Variants in SKAP2 observed in about 807,000 individuals in gnomAD.
The protein encoded by SKAP2 is src kinase associated phosphoprotein 2, also known as src kinase-associated phosphoprotein 2.
Under a neutral mutation model 54.9 loss-of-function variants are expected in SKAP2, and 28 were observed. The ratio of observed to expected loss-of-function variants is 0.51; its 90% confidence interval spans 0.38 to 0.70. The LOEUF (loss-of-function observed/expected upper bound fraction) is 0.70, where lower values mean the gene tolerates loss of function less well. Among genes scored for constraint, SKAP2 ranks in the 30% least tolerant of loss-of-function variants. The pLI, the probability that SKAP2 is intolerant of heterozygous loss-of-function variation, is 0.00. For synonymous variants in SKAP2, 137 were observed against 134.3 expected (o/e 1.02, Z -0.14); for missense variants, 356 against 424.1 (o/e 0.84, Z 1.41).
At chr7:26,815,759 C>T (rs1784253124) in intron 4 of SKAP2, among the ~76,000 whole-genome samples, 1 of 152,088 alleles carries the variant, frequency 6.6e-6, no homozygotes, top group Admixed American at 6.6e-5. Flanking sequence ...CTAAATACCA[C>T]ATCAGTAAAT....
At position 26,789,357 on chromosome 7, in the gene SKAP2, C is replaced by G. The variant is rs145245386; in HGVS notation, c.308-49393G>C. On this transcript the variant is annotated intron_variant, in intron 4 of 12. Coordinates refer to ENST00000345317, the MANE Select transcript of SKAP2 (RefSeq NM_003930.5). ...AGTGCCACTTAAAGGAAGTTGAGGC[C>G]CAACATGTATCATTAACTAAGACCA... Among the ~76,000 whole-genome samples the G allele has an allele frequency of 4.8e-3, 729 of 152,140 alleles. 8 individuals are homozygous for G. Among genetic ancestry groups the G allele is most frequent in the African/African-American group, 0.017 (687 of 41,496 alleles).
intron 4 of SKAP2, among the ~76,000 whole-genome samples, chr7:26,755,606 A>G (rs527368571): frequency 9.1e-4 from 138 of 152,240 alleles, no homozygotes; most frequent in South Asian, 1.7e-3. Flanking sequence ...CCCCACCTCC[A>G]TTAGAATATA....
At chr7:26,780,272 C>T (rs1474517667) in intron 4 of SKAP2, among the ~76,000 whole-genome samples, 11 of 152,094 alleles carry the variant, frequency 7.2e-5, no homozygotes, top group Admixed American at 7.2e-4. Context: ...TAAATGGTAG[C>T]TGTTGCAATT....
At chr7:26,707,386 T>C (rs796159094) in intron 9 of SKAP2, among the ~76,000 whole-genome samples, 30 of 151,986 alleles carry the variant, frequency 2.0e-4, no homozygotes, top group African/African-American at 6.0e-4. Flanking sequence ...GTAATTAATA[T>C]TATAATTATA....
intron 6 of SKAP2, among the ~76,000 whole-genome samples, chr7:26,737,602 TAAC>T (rs1340888029): frequency 6.6e-6 from 1 of 152,222 alleles, no homozygotes; most frequent in Non-Finnish European, 1.5e-5. Flanking sequence ...ACAACACTGA[TAAC>T]AATTCCATAG....
intron 9 of SKAP2, among the ~76,000 whole-genome samples, chr7:26,717,434 C>T (rs1219969999): frequency 3.6e-5 from 5 of 140,050 alleles, no homozygotes; most frequent in African/African-American, 1.3e-4. Context: ...AGCTTGAACC[C>T]AGGAGGTGGA....
At chr7:26,722,868 T>G (rs1787608909) in intron 9 of SKAP2, among the ~76,000 whole-genome samples, 1 of 152,210 alleles carries the variant, frequency 6.6e-6, no homozygotes, top group Non-Finnish European at 1.5e-5. Flanking sequence ...ATGCTTAGAT[T>G]TCTCTTCAAA....
At chr7:26,807,031 G>A (rs1200149475) in intron 4 of SKAP2, among the ~76,000 whole-genome samples, 1 of 152,116 alleles carries the variant, frequency 6.6e-6, no homozygotes, top group East Asian at 1.9e-4. Context: ...TTAGAAGTAG[G>A]CCCTGAAGAC....
At chr7:26,672,293 A>C (rs1432824806) in intron 11 of SKAP2, among the ~76,000 whole-genome samples, 3 of 151,998 alleles carry the variant, frequency 2.0e-5, no homozygotes. Context: ...CTCACACCCA[A>C]ATTTAAGAAA....
At chr7:26,852,014 G>A (rs1785054178) in intron 3 of SKAP2, among the ~76,000 whole-genome samples, 1 of 152,018 alleles carries the variant, frequency 6.6e-6, no homozygotes, top group African/African-American at 2.4e-5. Context: ...AATAAAATAA[G>A]GGTGTAAAGG....
chr7:26,813,022 C>T lies in SKAP2; in HGVS notation c.307+31008G>A, dbSNP rs188278815. Among the ~76,000 whole-genome samples the T allele has an allele frequency of 2.9e-3, 443 of 152,192 alleles. 1 individual carries two copies. Among genetic ancestry groups the T allele is most frequent in the Middle Eastern group, 6.8e-3 (2 of 294 alleles). On this transcript the variant is annotated intron_variant, in intron 4 of 12. Coordinates refer to ENST00000345317, the MANE Select transcript of SKAP2 (RefSeq NM_003930.5). ...CTATATTCCAAATTCTATACTCACGCTGTATTCAGAATTCAAAATTTGACT... is the reference window on the plus strand; with the variant it reads ...CTATATTCCAAATTCTATACTCACGTTGTATTCAGAATTCAAAATTTGACT...
chr7:26,821,630 C>T (rs1319020906), intron 4 of SKAP2, among the ~76,000 whole-genome samples: 1 of 152,136 alleles, frequency 6.6e-6, no homozygotes, highest in East Asian at 1.9e-4. Flanking sequence ...ATATCTTTGA[C>T]TGGATTCTCA....
chr7:26,701,726 AAAATAAATAAAT>A (rs869050926), intron 9 of SKAP2, among the ~76,000 whole-genome samples: 1 of 126,720 alleles, frequency 7.9e-6, no homozygotes, highest in Non-Finnish European at 1.7e-5. Context: ...CTTCGTCTCA[AAAATAAATAAAT>A]AAATAAATAA....
intron 1 of SKAP2, among the ~76,000 whole-genome samples, chr7:26,857,253 G>A (rs527827164): frequency 6.6e-5 from 8 of 121,622 alleles, no homozygotes; most frequent in African/African-American, 2.6e-4. Context: ...AATAAACAGT[G>A]ACTTTTTCGT....
intron 4 of SKAP2, among the ~76,000 whole-genome samples, chr7:26,751,692 CAA>C (rs1299206768): frequency 2.0e-5 from 3 of 152,268 alleles, no homozygotes; most frequent in Non-Finnish European, 1.5e-5. Flanking sequence ...CCACCTAAAA[CAA>C]GAGGTTTTTC....
At chr7:26,751,489 G>A (rs1782680552) in intron 4 of SKAP2, among the ~76,000 whole-genome samples, 1 of 152,072 alleles carries the variant, frequency 6.6e-6, no homozygotes, top group African/African-American at 2.4e-5. Context: ...TAGGTAAATA[G>A]TATACCTGTT....
intron 9 of SKAP2, among the ~76,000 whole-genome samples, chr7:26,723,639 C>A (rs917426664): frequency 6.6e-6 from 1 of 152,086 alleles, no homozygotes; most frequent in Non-Finnish European, 1.5e-5. Flanking sequence ...TCAAGCTACT[C>A]AGACCTTCCT....
chr7:26,705,576 C>T (rs193097190), intron 9 of SKAP2, among the ~76,000 whole-genome samples: 11 of 152,252 alleles, frequency 7.2e-5, no homozygotes, highest in South Asian at 4.1e-4. Context: ...AGAATTCAGG[C>T]GGTTTTATTA....
At chr7:26,730,807 A>G (rs1268909258) in intron 6 of SKAP2, among the ~76,000 whole-genome samples, 6 of 152,252 alleles carry the variant, frequency 3.9e-5, no homozygotes, top group Admixed American at 3.3e-4. Context: ...CATAAGGCTA[A>G]TAAGAGCAAT....
Sources: allele counts gnomAD v4.1 joint callset (sites outside exome capture counted in the v4.1 genomes callset), GRCh38; gene constraint gnomAD v4.1.1; transcripts MANE v1.5; gene names NCBI Gene and HGNC (gene_info 2026-07-23, HGNC 2026-07-21).